TOX: variants seen among roughly 807,000 people sequenced by gnomAD.
TOX encodes the protein thymocyte selection associated high mobility group box.
Under a neutral mutation model 53.7 loss-of-function variants are expected in TOX, and 11 were observed. The ratio of observed to expected loss-of-function variants is 0.20; its 90% confidence interval spans 0.13 to 0.34. TOX has a LOEUF of 0.34. Ranked by LOEUF, TOX falls within the 10% of genes least tolerant of loss-of-function variation. The probability of loss-of-function intolerance (pLI) is 1.00; values close to 1 mark genes in which losing one functional copy is unlikely to be tolerated. For synonymous variants in TOX, 225 were observed against 245.3 expected (o/e 0.92, Z 0.77); for missense variants, 570 against 664.6 (o/e 0.86, Z 1.56).
At chr8:58,871,885 C>A (rs1273452947) in intron 3 of TOX, among the ~76,000 whole-genome samples, 1 of 152,060 alleles carries the variant, frequency 6.6e-6, no homozygotes, top group East Asian at 1.9e-4. Flanking sequence ...AGTATTCATA[C>A]ATATATCTCC....
chr8:59,083,129 A>G (rs561319220), intron 1 of TOX, among the ~76,000 whole-genome samples: 1 of 152,236 alleles, frequency 6.6e-6, no homozygotes, highest in Non-Finnish European at 1.5e-5. Flanking sequence ...AATCCCAAGA[A>G]GAGTTGTCTT....
chr8:59,016,188 G>T (rs370778231), intron 1 of TOX, among the ~76,000 whole-genome samples: 1 of 151,880 alleles, frequency 6.6e-6, no homozygotes, highest in African/African-American at 2.4e-5. Flanking sequence ...ACTGGATGCC[G>T]GGGTATACAT....
chr8:58,900,066 GTTC>G (rs1811709801), intron 3 of TOX, among the ~76,000 whole-genome samples: 1 of 151,870 alleles, frequency 6.6e-6, no homozygotes, highest in Non-Finnish European at 1.5e-5. Context: ...TCTGTATGAA[GTTC>G]TTCTATTTGC....
intron 4 of TOX, among the ~76,000 whole-genome samples, chr8:58,842,922 G>C (rs530249502): frequency 1.4e-4 from 21 of 152,314 alleles, no homozygotes; most frequent in African/African-American, 4.3e-4. Flanking sequence ...GTTGCTCAAA[G>C]TTTTGTTTAA....
intron 1 of TOX, among the ~76,000 whole-genome samples, chr8:59,021,463 CAAAAA>C (rs148800261): frequency 6.5e-4 from 45 of 69,686 alleles, no homozygotes; most frequent in African/African-American, 2.0e-3. Flanking sequence ...TTTCTACAAG[CAAAAA>C]AAAAAAAAAA....
chr8:58,823,057 T>C (rs995177354), intron 6 of TOX, among the ~76,000 whole-genome samples: 2 of 152,218 alleles, frequency 1.3e-5, no homozygotes, highest in Non-Finnish European at 2.9e-5. Context: ...TTGGAAACAA[T>C]TCAATATCCT....
intron 1 of TOX, among the ~76,000 whole-genome samples, chr8:59,116,662 G>A (rs1167941960): frequency 6.6e-6 from 1 of 152,154 alleles, no homozygotes; most frequent in Non-Finnish European, 1.5e-5. Context: ...GATGTCCCTG[G>A]AGAAACATTT....
At chr8:58,832,117 A>G (rs1810466081) in intron 5 of TOX, among the ~76,000 whole-genome samples, 1 of 148,230 alleles carries the variant, frequency 6.7e-6, no homozygotes, top group South Asian at 2.1e-4. Context: ...ATGTGGATAT[A>G]TATAATATAT....
chr8:58,876,799 C>G (rs1289852473), intron 3 of TOX, among the ~76,000 whole-genome samples: 1 of 152,142 alleles, frequency 6.6e-6, no homozygotes, highest in African/African-American at 2.4e-5. Flanking sequence ...CTATTACATG[C>G]CAAGCACTCT....
chr8:59,070,212 A>G (rs2129422538), intron 1 of TOX, among the ~76,000 whole-genome samples: 1 of 152,310 alleles, frequency 6.6e-6, no homozygotes, highest in Non-Finnish European at 1.5e-5. Context: ...GAATAATTAA[A>G]AAGTTTAAGT....
chr8:58,919,986 G>A (rs1431310524), intron 3 of TOX, among the ~76,000 whole-genome samples: 4 of 1,566 alleles, frequency 2.6e-3, no homozygotes, highest in Non-Finnish European at 2.4e-3. Flanking sequence ...TCAGAGAAAT[G>A]CAAATCAAAA....
At chr8:58,952,658 G>A (rs1392651436) in intron 2 of TOX, among the ~76,000 whole-genome samples, 1 of 152,198 alleles carries the variant, frequency 6.6e-6, no homozygotes, top group African/African-American at 2.4e-5. Context: ...TCCATATGGA[G>A]TGCAAGGTTT....
chr8:58,899,057 T>C (rs1811694032), intron 3 of TOX, among the ~76,000 whole-genome samples: 1 of 152,176 alleles, frequency 6.6e-6, no homozygotes, highest in Admixed American at 6.5e-5. Flanking sequence ...TGCTTTCCAA[T>C]AAATTCTGCC....
At chr8:58,914,010 C>T (rs112898379) in intron 3 of TOX, among the ~76,000 whole-genome samples, 1 of 152,156 alleles carries the variant, frequency 6.6e-6, no homozygotes, top group Non-Finnish European at 1.5e-5. Flanking sequence ...GCAGGAGGTC[C>T]ACCTGGCATC....
intron 1 of TOX, among the ~76,000 whole-genome samples, chr8:59,106,180 T>C (rs1009849938): frequency 2.6e-5 from 4 of 152,120 alleles, no homozygotes; most frequent in South Asian, 2.1e-4. Flanking sequence ...CTCAGAAATA[T>C]ATCCTTCCTT....
chr8:58,851,671 A>C lies in TOX; in HGVS notation c.546T>G (p.Ile182Met), dbSNP rs1258393876. The C allele has an allele frequency of 2.5e-6, 4 of 1,613,710 alleles. No individual in the cohort carries two copies. Among genetic ancestry groups the C allele is most frequent in the Non-Finnish European group, 8.5e-7 (1 of 1,179,842 alleles). Residue 182 changes from isoleucine to methionine, a missense_variant, in exon 4 of 9, where the codon ATT (isoleucine) becomes ATG (methionine). This residue lies in a region of TOX where 282 missense variants were observed against 315.0 expected (regional missense o/e 0.90). Transcript: ENST00000361421. The surrounding 1 kb of genome is among the most constrained non-coding windows in gnomAD (Gnocchi z 4.4). ...GMMPHGQLTT[I>M]NQSQLSAQLG... Reference sequence around the variant, plus strand: ...GTTGAGCACTTAGCTGTGACTGGTTAATGGTAGTCAGCTGGCCATGTGGCA... The same window carrying C: ...GTTGAGCACTTAGCTGTGACTGGTTCATGGTAGTCAGCTGGCCATGTGGCA...
chr8:59,055,054 A>G (rs1317747843), intron 1 of TOX, among the ~76,000 whole-genome samples: 1 of 152,130 alleles, frequency 6.6e-6, no homozygotes, highest in African/African-American at 2.4e-5. Flanking sequence ...AACTAGCTTC[A>G]TTGTAGTAGC....
chr8:59,096,170 C>T (rs1804708995), intron 1 of TOX, among the ~76,000 whole-genome samples: 2 of 152,174 alleles, frequency 1.3e-5, no homozygotes, highest in African/African-American at 2.4e-5. Context: ...GTCTCTTTTA[C>T]ACTTTTATTA....
chr8:59,074,966 G>T (rs554576401), intron 1 of TOX, among the ~76,000 whole-genome samples: 1 of 152,186 alleles, frequency 6.6e-6, no homozygotes, highest in African/African-American at 2.4e-5. Context: ...CCTGTAAGCA[G>T]AACTGAAGGC....
Sources: gnomAD v4.1 joint callset for allele counts (sites outside exome capture counted in the v4.1 genomes callset) on GRCh38, gnomAD v4.1.1 for gene constraint, gnomAD v4.1.1 regional missense constraint, Gnocchi (gnomAD v3.1) non-coding constraint, MANE v1.5 for transcripts, NCBI Gene and HGNC (gene_info 2026-07-23, HGNC 2026-07-21) for gene names.